Variants in CRISPLD2 observed in about 807,000 individuals in gnomAD.
CRISPLD2 encodes cysteine-rich secretory protein LCCL domain-containing 2.
A neutral mutation model predicts 71.1 loss-of-function variants in CRISPLD2; 47 were observed. The ratio of observed to expected loss-of-function variants is 0.66; its 90% CI spans 0.52 to 0.84. CRISPLD2 has a LOEUF of 0.84. Among genes scored for constraint, CRISPLD2 ranks in the 40% least tolerant of loss-of-function variants. CRISPLD2 has a pLI of 0.00. For missense variants in CRISPLD2, 830 were observed against 651.1 expected, an observed-to-expected ratio of 1.27 and a Z score of -2.99; for synonymous variants, 317 against 250.1, an observed-to-expected ratio of 1.27 and a Z score of -2.52.
chr16:84,873,980 CTT>C lies in CRISPLD2; in HGVS notation c.1156+20_1156+21del. The C allele has an allele frequency of 6.3e-7, 1 of 1,592,318 alleles. No homozygotes were observed. Among genetic ancestry groups the C allele is most frequent in the East Asian group, 2.3e-5 (1 of 44,278 alleles). On this transcript the variant is annotated intron_variant, in intron 11 of 14. Coordinates refer to ENST00000262424, the MANE Select transcript of CRISPLD2 (RefSeq NM_031476.4). Reference sequence around the variant, plus strand: ...AAGTGAAAGGTAAGCTAGCCAGTCTCTTTTGCGACCATAATACCTGGGTTATC... The same window carrying C: ...AAGTGAAAGGTAAGCTAGCCAGTCTCTTGCGACCATAATACCTGGGTTATC...
intron 1 of CRISPLD2, among the ~76,000 whole-genome samples, chr16:84,838,118 AAG>A (rs1389160778): frequency 6.6e-6 from 1 of 152,104 alleles, no homozygotes; most frequent in Non-Finnish European, 1.5e-5. Flanking sequence ...CTGAATGAAT[AAG>A]AGATGCTGAC....
intron 5 of CRISPLD2, 74 bp from the exon 6 acceptor site, chr16:84,854,655 G>C: frequency 3.7e-6 from 4 of 1,079,348 alleles, no homozygotes; most frequent in Non-Finnish European, 4.3e-6. Flanking sequence ...ACTCACGTGG[G>C]CCTTGGAAGA....
chr16:84,833,305 G>A (rs1268748115), intron 1 of CRISPLD2, among the ~76,000 whole-genome samples: 3 of 152,176 alleles, frequency 2.0e-5, no homozygotes, highest in Non-Finnish European at 2.9e-5. Flanking sequence ...GCTGAAATCT[G>A]GTGTGTTTTC....
In CRISPLD2 at chr16:84,838,428, A is replaced by C. The variant is rs914614405; in HGVS notation, c.-68A>C. 1.0e-4 allele frequency: 160 copies of C among 1,560,344 alleles called. No homozygotes were observed. The highest frequency in any genetic ancestry group is 1.3e-4 in the Non-Finnish European group (148 of 1,152,208). On this transcript the variant is annotated 5_prime_UTR_variant, in exon 2 of 15. Coordinates refer to ENST00000262424, the MANE Select transcript of CRISPLD2 (RefSeq NM_031476.4). ...ACCCTCTGCTTCCTTTCAGAGCTCA[A>C]GCGCCCAGCTCTGCCCGAGGAGCCC...
chr16:84,854,107 C>T (rs1171878128), intron 5 of CRISPLD2, among the ~76,000 whole-genome samples: 1 of 152,180 alleles, frequency 6.6e-6, no homozygotes, highest in African/African-American at 2.4e-5. Context: ...GCCTAAGGCT[C>T]TGAGCCGGAC....
At chr16:84,903,851 G>A (rs2071777357) in intron 14 of CRISPLD2, among the ~76,000 whole-genome samples, 1 of 152,226 alleles carries the variant, frequency 6.6e-6, no homozygotes, top group African/African-American at 2.4e-5. Context: ...GTGGACCTCA[G>A]ATAAGAACAG....
chr16:84,874,177 C>T (rs1014899659), intron 11 of CRISPLD2, among the ~76,000 whole-genome samples: 1 of 152,160 alleles, frequency 6.6e-6, no homozygotes, highest in Admixed American at 6.6e-5. Context: ...GAACCAGAAA[C>T]ACAGGGCTGA....
intron 13 of CRISPLD2, among the ~76,000 whole-genome samples, chr16:84,884,286 C>T (rs1219760488): frequency 6.6e-6 from 1 of 152,060 alleles, no homozygotes; most frequent in Non-Finnish European, 1.5e-5. Context: ...GTGAGCCCCC[C>T]TGCCCCTCAG....
chr16:84,887,409 T>C (rs768378661), intron 13 of CRISPLD2, among the ~76,000 whole-genome samples: 1 of 152,194 alleles, frequency 6.6e-6, no homozygotes, highest in Non-Finnish European at 1.5e-5. Flanking sequence ...CGGTTGTGAA[T>C]GGAGGCAAGA....
chr16:84,878,997 G>C (rs1193268213), intron 12 of CRISPLD2, among the ~76,000 whole-genome samples: 1 of 152,290 alleles, frequency 6.6e-6, no homozygotes, highest in Non-Finnish European at 1.5e-5. Context: ...CTGGGCTGGA[G>C]ACCTGTGGAT....
In CRISPLD2 at chr16:84,874,884, C is replaced by T. The variant is rs181411377; in HGVS notation, c.1156+921C>T. Among the ~76,000 whole-genome samples, 603 of 152,218 alleles carry T rather than the reference C, an allele frequency of 4.0e-3. 3 individuals carry two copies. Among genetic ancestry groups the T allele is most frequent in the African/African-American group, 0.014 (562 of 41,530 alleles). ...GTATGTACATTGGTAATATATACAT[C>T]GATGACTTTTAAAACTTGAAATGGA... On this transcript the variant is annotated intron_variant, in intron 11 of 14. Transcript: ENST00000262424.
At chr16:84,870,872 A>AACGT (rs2071462515) in intron 8 of CRISPLD2, among the ~76,000 whole-genome samples, 1 of 151,988 alleles carries the variant, frequency 6.6e-6, no homozygotes, top group Non-Finnish European at 1.5e-5. Context: ...CAGCCTGGGC[A>AACGT]ACTGGCGAAA....
chr16:84,849,432 A>G lies in CRISPLD2; in HGVS notation c.407A>G (p.Lys136Arg). ...FHVQSWYDEV[K>R]DYTYPYPSEC... is the part of the protein sequence containing the mutation. ...GTGCAGTCCTGGTATGACGAGGTGA[A>G]GGACTACACCTACCCCTACCCGAGC... Residue 136 changes from lysine (K) to arginine (R), a missense_variant, in exon 4 of 15, where the codon AAG becomes AGG. By Grantham distance (26) the Lys-to-Arg change is conservative (BLOSUM62 2). Coordinates refer to ENST00000262424, the MANE Select transcript of CRISPLD2 (RefSeq NM_031476.4). 6.2e-7 allele frequency: 1 copy of G among 1,614,116 alleles called. No individual in the cohort carries two copies. Among genetic ancestry groups the G allele is most frequent in the Non-Finnish European group, 8.5e-7 (1 of 1,179,970 alleles).
intron 1 of CRISPLD2, among the ~76,000 whole-genome samples, chr16:84,830,405 C>T (rs1289001108): frequency 6.6e-6 from 1 of 152,096 alleles, no homozygotes; most frequent in African/African-American, 2.4e-5. Context: ...ATTATAAAAA[C>T]TTACAGTTAA....
At chr16:84,834,573 C>G (rs138718801) in intron 1 of CRISPLD2, among the ~76,000 whole-genome samples, 1 of 152,352 alleles carries the variant, frequency 6.6e-6, no homozygotes, top group East Asian at 1.9e-4. Flanking sequence ...CTTCGTGTCT[C>G]CTCTTTACAA....
chr16:84,849,718 ACT>A (rs1469365559), intron 4 of CRISPLD2, among the ~76,000 whole-genome samples: 1 of 94,706 alleles, frequency 1.1e-5, no homozygotes, highest in Non-Finnish European at 2.6e-5. Flanking sequence ...AGCACTACAA[ACT>A]CTTTTTTTTC....
At chr16:84,835,864 G>A (rs1291800403) in intron 1 of CRISPLD2, among the ~76,000 whole-genome samples, 1 of 152,190 alleles carries the variant, frequency 6.6e-6, no homozygotes, top group East Asian at 1.9e-4. Flanking sequence ...CGTGCCAGAG[G>A]ACTCATTTAA....
chr16:84,868,885 C>T lies in CRISPLD2; in HGVS notation c.888C>T (p.Asp296=). ...TCAGATGTGACACCAAGATGAAGGA[C>T]AGGTGCAAAGGGTCCACGTGTAACA... ...QVVRCDTKMK[D]RCKGSTCNRY... is the part of the protein sequence containing the mutation. Residue 296 remains aspartate, a synonymous_variant, in exon 8 of 15, where the codon GAC becomes GAT. Coordinates refer to ENST00000262424, the MANE Select transcript of CRISPLD2 (RefSeq NM_031476.4). 1 of 1,609,750 alleles carries T rather than the reference C, an allele frequency of 6.2e-7. No homozygotes were observed. Among genetic ancestry groups the T allele is most frequent in the South Asian group, 1.1e-5 (1 of 90,146 alleles).
intron 1 of CRISPLD2, among the ~76,000 whole-genome samples, chr16:84,822,619 A>G (rs552380311): frequency 6.6e-6 from 1 of 152,254 alleles, no homozygotes; most frequent in African/African-American, 2.4e-5. Context: ...ACCCAGGATC[A>G]CTCAAACGGG....
Sources: allele counts gnomAD v4.1 joint callset (sites outside exome capture counted in the v4.1 genomes callset), GRCh38; gene constraint gnomAD v4.1.1; transcripts MANE v1.5; gene names NCBI Gene and HGNC (gene_info 2026-07-23, HGNC 2026-07-21).